The following UNC13C variants were observed in gnomAD, a reference collection of about 807,000 sequenced individuals.
UNC13C encodes unc-13 homolog C.
A neutral mutation model predicts 245.4 loss-of-function variants in UNC13C; 174 were observed. That is an observed-to-expected ratio of 0.71 (90% CI 0.63 to 0.80). UNC13C has a LOEUF of 0.80. Ranked by LOEUF, UNC13C falls within the 30% of genes least tolerant of loss-of-function variation. The probability of loss-of-function intolerance (pLI) is 0.00; values close to 1 mark genes in which losing one functional copy is unlikely to be tolerated. For synonymous variants in UNC13C, 992 were observed against 895.1 expected, an observed-to-expected ratio of 1.11 and a Z score of -1.93; for missense variants, 2,829 against 2,602.9, an observed-to-expected ratio of 1.09 and a Z score of -1.89.
At chr15:53,909,602 T>C in the UNC13C span, among the ~76,000 whole-genome samples, 2 of 146,168 alleles carry the variant, frequency 1.4e-5, 1 homozygote, top group Non-Finnish European at 3.1e-5. Flanking sequence ...AAATATTAGC[T>C]GGGTGTGGTG....
chr15:54,467,863 A>G (rs1438131683), intron 19 of UNC13C, among the ~76,000 whole-genome samples: 5 of 151,742 alleles, frequency 3.3e-5, no homozygotes, highest in Non-Finnish European at 1.5e-5. Context: ...CATTCATTAA[A>G]TGATGATCAC....
intron 30 of UNC13C, among the ~76,000 whole-genome samples, chr15:54,572,904 A>C (rs1755094716): frequency 1.3e-5 from 2 of 151,980 alleles, no homozygotes; most frequent in South Asian, 4.2e-4. Flanking sequence ...TTCTCATATA[A>C]TTTCCCCTTA....
chr15:53,940,053 C>T, the UNC13C span, among the ~76,000 whole-genome samples: 1 of 152,150 alleles, frequency 6.6e-6, no homozygotes, highest in Non-Finnish European at 1.5e-5. Flanking sequence ...ATGCTTCCCA[C>T]CATCTCCCTC....
chr15:53,862,516 T>A, the UNC13C span, among the ~76,000 whole-genome samples: 1 of 152,164 alleles, frequency 6.6e-6, no homozygotes, highest in Non-Finnish European at 1.5e-5. Flanking sequence ...TTAAGAATGC[T>A]ATTATTCTAT....
At chr15:54,057,366 G>A (rs1897581990) in intron 2 of UNC13C, among the ~76,000 whole-genome samples, 1 of 151,196 alleles carries the variant, frequency 6.6e-6, no homozygotes, top group African/African-American at 2.4e-5. Flanking sequence ...GACAAAGAAG[G>A]CCATTACATA....
chr15:54,540,443 C>T (rs1566896837), intron 26 of UNC13C, among the ~76,000 whole-genome samples: 1 of 152,030 alleles, frequency 6.6e-6, no homozygotes, highest in African/African-American at 2.4e-5. Context: ...ATCTAGATAG[C>T]TCAGGTTCTA....
At chr15:54,000,706 A>G (rs575406029) in intron 1 of UNC13C, among the ~76,000 whole-genome samples, 1 of 152,292 alleles carries the variant, frequency 6.6e-6, no homozygotes, top group South Asian at 2.1e-4. Context: ...AGAATGTAAT[A>G]AAACTAAGCA....
At chr15:54,134,857 T>C (rs2031649110) in intron 2 of UNC13C, among the ~76,000 whole-genome samples, 1 of 152,234 alleles carries the variant, frequency 6.6e-6, no homozygotes, top group Non-Finnish European at 1.5e-5. Flanking sequence ...TGGATTATTA[T>C]AGTAGTTCTA....
intron 2 of UNC13C, among the ~76,000 whole-genome samples, chr15:54,029,833 G>C (rs1255769994): frequency 2.6e-5 from 4 of 152,142 alleles, no homozygotes; most frequent in African/African-American, 7.2e-5. Flanking sequence ...CGGTGGACCA[G>C]AGCATATGGT....
intron 18 of UNC13C, among the ~76,000 whole-genome samples, chr15:54,413,209 G>T (rs935795476): frequency 1.3e-5 from 2 of 151,876 alleles, no homozygotes; most frequent in Non-Finnish European, 2.9e-5. Flanking sequence ...ATGTTTATAA[G>T]AGATATTCTT....
chr15:54,264,316 T>A lies in UNC13C; in HGVS notation c.3597T>A (p.Asp1199Glu). 3 of 1,605,722 alleles carry A rather than the reference T, an allele frequency of 1.9e-6. No individual in the cohort carries two copies. The highest frequency in any genetic ancestry group is 2.6e-6 in the Non-Finnish European group (3 of 1,175,858). Residue 1199 changes from aspartate to glutamate, a missense_variant, in exon 9 of 33, where the codon GAT becomes GAA. Asp to Glu is a conservative substitution (Grantham distance 45). Coordinates refer to ENST00000260323, the MANE Select transcript of UNC13C (RefSeq NM_001080534.3). ...AAATGTTTCAGATTTCTAAAGAAGATTTTGTGCAGTTTACAAAGGCGGCCA... is the reference window on the plus strand; with the variant it reads ...AAATGTTTCAGATTTCTAAAGAAGAATTTGTGCAGTTTACAAAGGCGGCCA... ...IQEMFQISKE[D>E]FVQFTKAAKQ...
intron 13 of UNC13C, among the ~76,000 whole-genome samples, chr15:54,308,196 G>A (rs975718596): frequency 2.6e-5 from 4 of 151,884 alleles, no homozygotes; most frequent in Admixed American, 2.0e-4. Context: ...TGGCATGTGA[G>A]TTAGAGGATT....
intron 4 of UNC13C, among the ~76,000 whole-genome samples, chr15:54,222,186 A>G (rs1207978461): frequency 6.6e-6 from 1 of 151,934 alleles, no homozygotes; most frequent in Non-Finnish European, 1.5e-5. Flanking sequence ...ACAAGATTTT[A>G]TCCATTCTAT....
rs796711519 is a variant in UNC13C, at chr15:54,588,368, A to G, written c.6106+20421A>G. On this transcript the variant is annotated intron_variant, in intron 30 of 32. Coordinates refer to ENST00000260323, the MANE Select transcript of UNC13C (RefSeq NM_001080534.3). Reference sequence around the variant, plus strand: ...TAACATTAAGTAATTTAACTTATCTATGTCTCATTCCCTCATCTGTAAAAT... The same window carrying G: ...TAACATTAAGTAATTTAACTTATCTGTGTCTCATTCCCTCATCTGTAAAAT... Among the ~76,000 whole-genome samples the G allele has an allele frequency of 7.9e-5, 12 of 152,328 alleles. 1 individual carries two copies. The highest frequency in any genetic ancestry group is 2.9e-4 in the African/African-American group (12 of 41,578).
intron 28 of UNC13C, among the ~76,000 whole-genome samples, chr15:54,550,142 A>G (rs1896674748): frequency 1.3e-5 from 2 of 152,296 alleles, no homozygotes; most frequent in South Asian, 4.1e-4. Flanking sequence ...AGGAAACTTC[A>G]GTCCCTGTTC....
chr15:54,074,660 T>G (rs1898500275), intron 2 of UNC13C, among the ~76,000 whole-genome samples: 2 of 152,166 alleles, frequency 1.3e-5, no homozygotes, highest in South Asian at 4.1e-4. Context: ...TGGGAGTCAC[T>G]CATGGTTTGG....
intron 4 of UNC13C, among the ~76,000 whole-genome samples, chr15:54,181,839 T>C (rs1289268272): frequency 1.3e-5 from 2 of 151,984 alleles, no homozygotes; most frequent in African/African-American, 4.8e-5. Context: ...AGCTTGAATG[T>C]TTTAGTGTTG....
At chr15:54,035,821 G>C (rs1330466033) in intron 2 of UNC13C, among the ~76,000 whole-genome samples, 4 of 152,172 alleles carry the variant, frequency 2.6e-5, no homozygotes, top group African/African-American at 7.2e-5. Flanking sequence ...GCCACTTACA[G>C]AAAAGTTTCA....
chr15:54,218,366 G>A (rs1426223613), intron 4 of UNC13C, among the ~76,000 whole-genome samples: 1 of 152,012 alleles, frequency 6.6e-6, no homozygotes. Flanking sequence ...CCTGGGGATA[G>A]GGAGGAGATA....
Sources: gnomAD v4.1 joint callset for allele counts (sites outside exome capture counted in the v4.1 genomes callset) on GRCh38, gnomAD v4.1.1 for gene constraint, MANE v1.5 for transcripts, NCBI Gene and HGNC (gene_info 2026-07-23, HGNC 2026-07-21) for gene names.